The following LRRC57 variants were observed in gnomAD, a reference collection of about 807,000 sequenced individuals.
LRRC57 encodes leucine rich repeat containing 57.
A neutral mutation model predicts 23.1 loss-of-function variants in LRRC57; 14 were observed. That is an observed-to-expected ratio of 0.61 (90% CI 0.40 to 0.95). The LOEUF (loss-of-function observed/expected upper bound fraction) is 0.95. LRRC57 is among the 40% of genes least tolerant of loss of function. LRRC57 has a pLI of 0.00. For missense variants in LRRC57, 236 were observed against 284.4 expected, an observed-to-expected ratio of 0.83 and a Z score of 1.22; for synonymous variants, 106 against 115.2, an observed-to-expected ratio of 0.92 and a Z score of 0.51.
chr15:42,548,510 G>T, intron 1 of LRRC57, 54 bp from the exon 2 acceptor site: 1 of 1,456,078 alleles, frequency 6.9e-7, no homozygotes, highest in Non-Finnish European at 9.4e-7. Context: ...CGGCCTCCCG[G>T]CTGGGGCTCC....
chr15:42,544,842 C>CTATATATATATATATATA (rs143066320), intron 5 of LRRC57, among the ~76,000 whole-genome samples: 14 of 98,004 alleles, frequency 1.4e-4, no homozygotes, highest in African/African-American at 9.3e-4. Flanking sequence ...CACACACACA[C>CTATATATATATATATATA]TATATATATA....
downstream of LRRC57, among the ~76,000 whole-genome samples, chr15:42,536,071 C>A (rs1212452103): frequency 1.3e-5 from 2 of 152,162 alleles, no homozygotes; most frequent in Non-Finnish European, 2.9e-5. Flanking sequence ...GAGCGAGACC[C>A]TGTCAAAAAA....
intron 5 of LRRC57, among the ~76,000 whole-genome samples, chr15:42,544,842 C>CACACTATATATATATATATATA: frequency 1.4e-4 from 14 of 98,036 alleles, no homozygotes; most frequent in African/African-American, 5.3e-4. Flanking sequence ...CACACACACA[C>CACACTATATATATATATATATA]TATATATATA....
At position 42,547,544 on chromosome 15, in the gene LRRC57, T is replaced by A. The variant is rs746683090; in HGVS notation, c.224-15A>T. ...AGGCAGAACAGCTGGCAAAGAAAAA[T>A]TTTTTTAAAACCTGAATGTGATAGA... On this transcript the variant is annotated splice_polypyrimidine_tract_variant and intron_variant, in intron 3 of 5. Coordinates refer to ENST00000397130, the MANE Select transcript of LRRC57 (RefSeq NM_153260.3). 44 of 1,592,246 alleles carry A rather than the reference T, an allele frequency of 2.8e-5. No individual in the cohort carries two copies. The highest frequency in any genetic ancestry group is 3.7e-5 in the Non-Finnish European group (43 of 1,168,632).
chr15:42,540,577 T>G lies in LRRC57; in HGVS notation c.*3506A>C, dbSNP rs953813524. 12 of 152,148 alleles carry G rather than the reference T, an allele frequency of 7.9e-5. No individual in the cohort carries two copies. The highest frequency in any genetic ancestry group is 2.9e-4 in the African/African-American group (12 of 41,500). 9.4% of individuals were successfully genotyped at this position (152,148 alleles called of 1,614,324 possible). A position where few individuals can be genotyped will look rare whatever the true frequency, so the allele number is the denominator to read the frequency against. Reference sequence around the variant, plus strand: ...GTCAGAAAAGACTGCACTGTGGGTTTAGAGAGAATAATCTGATATGGGTGG... The same window carrying G: ...GTCAGAAAAGACTGCACTGTGGGTTGAGAGAGAATAATCTGATATGGGTGG... On this transcript the variant is annotated 3_prime_UTR_variant, in exon 6 of 6. Coordinates refer to ENST00000397130, the MANE Select transcript of LRRC57 (RefSeq NM_153260.3).
Position 42,548,387 on chromosome 15 carries a change from A to C in LRRC57, c.48T>G (p.Thr16=). 6.2e-7 allele frequency: 1 copy of C among 1,614,172 alleles called. No individual in the cohort carries two copies. The highest frequency in any genetic ancestry group is 8.5e-7 in the Non-Finnish European group (1 of 1,180,028). ...CTCGGTCCTTAAGCTGAAAGACACC[A>C]GTTTTCTGCGCCGTTTCCACATGAG... ...LRAHVETAQK[T]GVFQLKDRGL... Residue 16 remains threonine (T), a synonymous_variant, in exon 2 of 6, where the codon ACT becomes ACG. Transcript: ENST00000397130.
In LRRC57 at chr15:42,539,414, G is replaced by A. The variant is rs1287541200; in HGVS notation, c.*4669C>T. 1 of 144,280 alleles carries A rather than the reference G, an allele frequency of 6.9e-6. No individual in the cohort carries two copies. Among genetic ancestry groups the A allele is most frequent in the Admixed American group, 7.2e-5 (1 of 13,872 alleles). The allele number at this position is 144,280 out of a possible 1,614,324, so 8.9% of individuals were successfully genotyped here. ...AATTGCTAGAACTCAGGAAGTGGAG[G>A]TTGCAGTGACCCGAGATTGTGCCAC... On this transcript the variant is annotated 3_prime_UTR_variant, in exon 6 of 6. Transcript: ENST00000397130.
rs779004807 is a variant in LRRC57, at chr15:42,545,282, G to A, written c.493-20C>T. On this transcript the variant is annotated intron_variant, in intron 4 of 5. Coordinates refer to ENST00000397130, the MANE Select transcript of LRRC57 (RefSeq NM_153260.3). Reference sequence around the variant, plus strand: ...AGATATCTATTGAAAAACCACAAAAGAATAACAGGAAAAAGCATAAGCACT... The same window carrying A: ...AGATATCTATTGAAAAACCACAAAAAAATAACAGGAAAAAGCATAAGCACT... 6 of 1,530,422 alleles carry A rather than the reference G, an allele frequency of 3.9e-6. No homozygotes were observed. Among genetic ancestry groups the A allele is most frequent in the Admixed American group, 2.2e-5 (1 of 44,942 alleles). The allele number at this position is 1,530,422 out of a possible 1,614,324, so 94.8% of individuals were successfully genotyped here. A position where few individuals can be genotyped will look rare whatever the true frequency, so the allele number is the denominator to read the frequency against.
the LRRC57 span, among the ~76,000 whole-genome samples, chr15:42,530,532 G>A: frequency 1.3e-5 from 2 of 152,186 alleles, no homozygotes; most frequent in Non-Finnish European, 2.9e-5. Flanking sequence ...GGCGGAGGCA[G>A]GAGGATTGCT....
chr15:42,536,799 G>T (rs928450181), downstream of LRRC57, among the ~76,000 whole-genome samples: 9 of 152,110 alleles, frequency 5.9e-5, no homozygotes, highest in African/African-American at 2.2e-4. Context: ...TCAAATTTTG[G>T]TTCATTCATT....
At position 42,547,509 on chromosome 15, in the gene LRRC57, A is replaced by C; in HGVS notation, c.244T>G (p.Cys82Gly). 6.2e-7 allele frequency: 1 copy of C among 1,611,734 alleles called. No homozygotes were observed. The highest frequency in any genetic ancestry group is 8.5e-7 in the Non-Finnish European group (1 of 1,178,160). The part of the protein sequence containing the change: ...NKLTVLPDEI[C>G]NLKKLETLSL... ...AGCGTCTCTAGTTTTTTCAGATTGC[A>C]TATCTCATCAGGCAGAACAGCTGGC... The change falls in exon 4 of 6, where the codon TGC becomes GGC. Residue 82 changes from cysteine to glycine, a missense_variant. Transcript: ENST00000397130.
Position 42,540,423 on chromosome 15 carries a change from G to A in LRRC57, c.*3660C>T, listed in dbSNP as rs2057622915. 1 of 152,106 alleles carries A rather than the reference G, an allele frequency of 6.6e-6. No individual in the cohort carries two copies. Among genetic ancestry groups the A allele is most frequent in the African/African-American group, 2.4e-5 (1 of 41,412 alleles). The allele number at this position is 152,106 out of a possible 1,614,324, so 9.4% of individuals were successfully genotyped here. On this transcript the variant is annotated 3_prime_UTR_variant, in exon 6 of 6. Transcript: ENST00000397130. ...TATTAGGTATTATAAGTAATCTAGA[G>A]ATAATTTAAAGTATCAGGAAGATAC...
At chr15:42,534,211 A>G (rs1372974097), downstream of LRRC57, among the ~76,000 whole-genome samples, 1 of 151,808 alleles carries the variant, frequency 6.6e-6, no homozygotes, top group Non-Finnish European at 1.5e-5. Flanking sequence ...GCTCACTGCA[A>G]CCTCCACCTC....
chr15:42,529,931 T>TC, the LRRC57 span: 1 of 1,163,400 alleles, frequency 8.6e-7, no homozygotes, highest in Non-Finnish European at 1.2e-6. Context: ...CCTGTCCTCA[T>TC]AGGTCTTAAT....
intron 5 of LRRC57, among the ~76,000 whole-genome samples, chr15:42,544,842 C>CACACTATATATATA: frequency 3.1e-5 from 3 of 98,038 alleles, no homozygotes; most frequent in African/African-American, 2.0e-4. Context: ...CACACACACA[C>CACACTATATATATA]TATATATATA....
chr15:42,548,565 G>A (rs2057678932), intron 1 of LRRC57, 109 bp from the exon 2 acceptor site: 3 of 841,864 alleles, frequency 3.6e-6, no homozygotes, highest in Non-Finnish European at 3.7e-6. Flanking sequence ...CCTGGGGCCC[G>A]ACCCAAGAGC....
the LRRC57 span, chr15:42,528,559 GC>G: frequency 1.1e-6 from 1 of 871,170 alleles, no homozygotes; most frequent in Non-Finnish European, 1.7e-6. Flanking sequence ...TTAAAAATCT[GC>G]CCACTGACAA....
chr15:42,529,969 A>G, the LRRC57 span: 21 of 792,922 alleles, frequency 2.6e-5, no homozygotes, highest in East Asian at 5.7e-4. Context: ...TCTAACACAT[A>G]AAACAAGAGC....
chr15:42,528,358 G>A, the LRRC57 span: 40 of 1,613,964 alleles, frequency 2.5e-5, no homozygotes, highest in Admixed American at 3.3e-4. Flanking sequence ...AGCCAGGCCC[G>A]GTGACAAATG....
Sources: gnomAD v4.1 joint callset for allele counts (sites outside exome capture counted in the v4.1 genomes callset) on GRCh38, gnomAD v4.1.1 for gene constraint, MANE v1.5 for transcripts, NCBI Gene and HGNC (gene_info 2026-07-23, HGNC 2026-07-21) for gene names.